The following MRPS24 variants were observed in gnomAD, a reference collection of about 807,000 sequenced individuals.
MRPS24 encodes mitochondrial ribosomal protein S24.
A neutral mutation model predicts 21.8 loss-of-function variants in MRPS24; 15 were observed. The observed-to-expected ratio is 0.69, with a 90% CI of 0.46 to 1.06. MRPS24 has a LOEUF of 1.06. MRPS24 is among the 50% of genes least tolerant of loss of function. MRPS24 has a pLI of 0.00. For missense variants in MRPS24, 224 were observed against 219.1 expected, an observed-to-expected ratio of 1.02 and a Z score of -0.14; for synonymous variants, 93 against 93.7, an observed-to-expected ratio of 0.99 and a Z score of 0.04.
rs375775056 is a variant in MRPS24 at position 43,866,869 on chromosome 7, G to A, written c.334C>T (p.Arg112Cys). 23 of 1,614,064 alleles carry A rather than the reference G, an allele frequency of 1.4e-5. No homozygotes were observed. Among genetic ancestry groups the A allele is most frequent in the African/African-American group, 1.1e-4 (8 of 74,912 alleles). ...GCLADQLVLKRRGNQLEICAV... is the reference protein window; with the variant it reads ...GCLADQLVLKCRGNQLEICAV... ...CAGATCTCCAACTGGTTACCCCGGC[G>A]CTTTAAAACCAGCTGGTCAGCCAGG... Residue 112 changes from arginine to cysteine, a missense_variant, in exon 4 of 4, where the codon CGC becomes TGC. Physicochemically the swap from Arg to Cys is radical, Grantham distance 180. Transcript: ENST00000317534.
Position 43,866,599 on chromosome 7 carries a change from G to A in MRPS24, c.*100C>T. On this transcript the variant is annotated 3_prime_UTR_variant, in exon 4 of 4. Coordinates refer to ENST00000317534, the MANE Select transcript of MRPS24 (RefSeq NM_032014.3). The stretch of plus-strand genomic sequence containing the variant: ...TATTCAATAGCAGATGAGAGACTAT[G>A]CCTCAGTCCTCTGAGGGGATGCATT... 3 of 1,286,482 alleles carry A rather than the reference G, an allele frequency of 2.3e-6. No individual in the cohort carries two copies. The highest frequency in any genetic ancestry group is 2.8e-5 in the South Asian group (2 of 72,668). 79.7% of individuals were successfully genotyped at this position (1,286,482 alleles called of 1,614,324 possible).
At chr7:43,868,668 G>A (rs1287946142) in intron 3 of MRPS24, 4 of 357,188 alleles carry the variant, frequency 1.1e-5, no homozygotes, top group African/African-American at 8.5e-5. Flanking sequence ...ACAGATAACT[G>A]ACAGGAATGC....
rs772933691 is a variant in MRPS24, at chr7:43,866,651, G to A, written c.*48C>T. 3.1e-5 allele frequency: 50 copies of A among 1,591,520 alleles called. No individual in the cohort carries two copies. In the Admixed American group the frequency reaches 6.4e-4, roughly 20 times the overall value. The stretch of plus-strand genomic sequence containing the variant: ...CCCCCACATACCATTCCTTTCCCAC[G>A]TTTCCATTCTCTGCAGGCTACAGCT... On this transcript the variant is annotated 3_prime_UTR_variant, in exon 4 of 4. Transcript: ENST00000317534.
chr7:43,869,067 G>A lies in MRPS24; in HGVS notation c.116C>T (p.Ala39Val). The change falls in exon 3 of 4, where the codon GCG becomes GTG. Residue 39 changes from alanine (A) to valine (V), a missense_variant. By Grantham distance (64) the Ala-to-Val change is moderately conservative (BLOSUM62 0). Coordinates refer to ENST00000317534, the MANE Select transcript of MRPS24 (RefSeq NM_032014.3). The surrounding 1 kb of genome is among the most constrained non-coding windows in gnomAD (Gnocchi z 4.8). The part of the protein sequence containing the change: ...HTSPVCAKNR[A>V]ARVRVSKGDK... ...CCCCTTGCTTACGCGTACTCGGGCC[G>A]CCCGGTTCTAGGAGCAAAAGGGGCC... 6.2e-7 allele frequency: 1 copy of A among 1,612,082 alleles called. No individual in the cohort carries two copies. Among genetic ancestry groups the A allele is most frequent in the Non-Finnish European group, 8.5e-7 (1 of 1,179,906 alleles).
chr7:43,867,067 T>G, intron 3 of MRPS24, 85 bp from the exon 4 acceptor site: 3 of 1,393,824 alleles, frequency 2.2e-6, no homozygotes, highest in South Asian at 2.6e-5. Flanking sequence ...CCAAAAGCGC[T>G]GAGCACAATC....
rs868632598 is a variant in MRPS24, at chr7:43,869,295, C to T, written c.108+13G>A. 5 of 1,536,572 alleles carry T rather than the reference C, an allele frequency of 3.3e-6. No homozygotes were observed. In the East Asian group the frequency reaches 7.4e-5, roughly 23 times the overall value. The stretch of plus-strand genomic sequence containing the variant: ...CCCCCAGGCCCCCAGGCCCCTGCCC[C>T]GGCGGTGCTCACCTTGGCGCAGACC... On this transcript the variant is annotated intron_variant, in intron 2 of 3. Transcript: ENST00000317534. This position sits in a 1 kb window ranked among gnomAD's most constrained non-coding sequence, Gnocchi z 4.8.
chr7:43,869,386 G>C lies in MRPS24; in HGVS notation c.40-10C>G. ...GGCTCCAGGACAGCACCTGTGGAGG[G>C]AGGGCGCGTGAGGCGGAAACTAGGG... On this transcript the variant is annotated splice_polypyrimidine_tract_variant and intron_variant, in intron 1 of 3. Transcript: ENST00000317534. The surrounding 1 kb of genome is among the most constrained non-coding windows in gnomAD (Gnocchi z 4.8). 6.5e-7 allele frequency: 1 copy of C among 1,549,946 alleles called. No homozygotes were observed. The highest frequency in any genetic ancestry group is 8.7e-7 in the Non-Finnish European group (1 of 1,146,848).
intron 3 of MRPS24, chr7:43,868,671 A>C (rs887228153): frequency 5.5e-6 from 2 of 364,718 alleles, no homozygotes; most frequent in Non-Finnish European, 5.0e-6. Context: ...GATAACTGAC[A>C]GGAATGCAAA....
chr7:43,866,769 T>C lies in MRPS24; in HGVS notation c.434A>G (p.Tyr145Cys), dbSNP rs377480969. The change falls in exon 4 of 4, where the codon TAC becomes TGC. Residue 145 changes from tyrosine to cysteine, a missense_variant. Tyr to Cys is a radical substitution (Grantham distance 194, BLOSUM62 -2). Coordinates refer to ENST00000317534, the MANE Select transcript of MRPS24 (RefSeq NM_032014.3). ...LVGYSETLLS[Y>C]FYKCPVRLHL... is the part of the protein sequence containing the mutation. ...GAGTCGCACAGGACATTTGTAAAAG[T>C]AGGACAGCAAAGTTTCACTGTAGCC... is the stretch of plus-strand genomic sequence containing the variant. 2 of 1,614,088 alleles carry C rather than the reference T, an allele frequency of 1.2e-6. No homozygotes were observed. Among genetic ancestry groups the C allele is most frequent in the African/African-American group, 2.7e-5 (2 of 74,912 alleles).
chr7:43,868,647 C>G, intron 3 of MRPS24: 1 of 302,708 alleles, frequency 3.3e-6, no homozygotes, highest in Non-Finnish European at 6.2e-6. Context: ...TATTTTACAG[C>G]TCTGTAAATT....
At position 43,869,468 on chromosome 7, in the gene MRPS24, G is replaced by T; in HGVS notation, c.28C>A (p.Leu10Met). ...GTCGCCCCACTCACCCGTGGCCCCA[G>T]CAACCCGCTGCACACGGAGGCCGCC... MAASVCSGL[L>M]GPRVLSWSRE... Residue 10 changes from leucine to methionine, a missense_variant, in exon 1 of 4, where the codon CTG (leucine) becomes ATG (methionine). Coordinates refer to ENST00000317534, the MANE Select transcript of MRPS24 (RefSeq NM_032014.3). The surrounding 1 kb of genome is among the most constrained non-coding windows in gnomAD (Gnocchi z 4.8). The T allele has an allele frequency of 6.4e-7, 1 of 1,567,794 alleles. No homozygotes were observed. Among genetic ancestry groups the T allele is most frequent in the Admixed American group, 1.8e-5 (1 of 54,218 alleles).
chr7:43,866,840 G>C lies in MRPS24; in HGVS notation c.363C>G (p.Ala121=), dbSNP rs191738193. ...KRRGNQLEIC[A]VVLRQLSPHK... ...GTGGAGACAACTGCCTCAGGACCACGGCACAGATCTCCAACTGGTTACCCC... is the reference window on the plus strand; with the variant it reads ...GTGGAGACAACTGCCTCAGGACCACCGCACAGATCTCCAACTGGTTACCCC... Residue 121 remains alanine (A), a synonymous_variant, in exon 4 of 4, where the codon GCC becomes GCG. Coordinates refer to ENST00000317534, the MANE Select transcript of MRPS24 (RefSeq NM_032014.3). 6.2e-7 allele frequency: 1 copy of C among 1,614,210 alleles called. No individual in the cohort carries two copies. Among genetic ancestry groups the C allele is most frequent in the Admixed American group, 1.7e-5 (1 of 60,028 alleles).
At position 43,868,962 on chromosome 7, in the gene MRPS24, CCTGTGTGCAG is replaced by C; in HGVS notation, c.211_220del (p.Leu71ValfsTer37). 6.2e-7 allele frequency: 1 copy of C among 1,613,784 alleles called. No homozygotes were observed. The highest frequency in any genetic ancestry group is 8.5e-7 in the Non-Finnish European group (1 of 1,179,888). ...CTTTTGGAGGCCTGGGGTCCGCTCA[CCTGTGTGCAG>C]CGACAGCCAGCCTTTACGGTGGGCG... On this transcript the variant is annotated frameshift_variant and splice_region_variant, in exon 3 of 4. Transcript: ENST00000317534. LOFTEE classifies it high-confidence loss of function.
chr7:43,869,410 G>A lies in MRPS24; in HGVS notation c.40-34C>T. The A allele has an allele frequency of 2.6e-6, 4 of 1,551,280 alleles. No homozygotes were observed. Among genetic ancestry groups the A allele is most frequent in the African/African-American group, 1.4e-5 (1 of 73,218 alleles). On this transcript the variant is annotated intron_variant, in intron 1 of 3. Coordinates refer to ENST00000317534, the MANE Select transcript of MRPS24 (RefSeq NM_032014.3). The surrounding 1 kb of genome is among the most constrained non-coding windows in gnomAD (Gnocchi z 4.8). ...GGAGGGCGCGTGAGGCGGAAACTAG[G>A]GACCCCACCTCCGACTCGCAGGGAC... is the stretch of plus-strand genomic sequence containing the variant.
rs1585773704 is a variant in MRPS24 at position 43,866,670 on chromosome 7, T to C, written c.*29A>G. On this transcript the variant is annotated 3_prime_UTR_variant, in exon 4 of 4. Transcript: ENST00000317534. ...TCCCACGTTTCCATTCTCTGCAGGC[T>C]ACAGCTTGATGGAAAAAAGGGGATT... The C allele has an allele frequency of 6.2e-7, 1 of 1,608,834 alleles. No individual in the cohort carries two copies. The highest frequency in any genetic ancestry group is 1.1e-5 in the South Asian group (1 of 90,766).
intron 3 of MRPS24, chr7:43,867,849 G>A (rs1375829671): frequency 1.3e-5 from 2 of 152,070 alleles, no homozygotes; most frequent in Non-Finnish European, 2.9e-5. Context: ...TTTTAAGTAA[G>A]TTCTCTAGAT....
chr7:43,866,821 A>G lies in MRPS24; in HGVS notation c.382T>C (p.Ser128Pro). ...EICAVVLRQL[S>P]PHKYYFLVGY... Reference sequence around the variant, plus strand: ...ACGAGGAAGTAGTACTTGTGTGGAGACAACTGCCTCAGGACCACGGCACAG... The same window carrying G: ...ACGAGGAAGTAGTACTTGTGTGGAGGCAACTGCCTCAGGACCACGGCACAG... Residue 128 changes from serine to proline, a missense_variant, in exon 4 of 4, where the codon TCT (serine) becomes CCT (proline). Coordinates refer to ENST00000317534, the MANE Select transcript of MRPS24 (RefSeq NM_032014.3). 6.2e-7 allele frequency: 1 copy of G among 1,614,246 alleles called. No homozygotes were observed.
In MRPS24 at chr7:43,868,969, G is replaced by A. The variant is rs1400567400; in HGVS notation, c.214C>T (p.His72Tyr). ...IAHRKGWLSL[H>Y]TGNLDGEDHA... ...AGGCCTGGGGTCCGCTCACCTGTGT[G>A]CAGCGACAGCCAGCCTTTACGGTGG... The change falls in exon 3 of 4, where the codon CAC becomes TAC. Residue 72 changes from histidine (H) to tyrosine (Y), a missense_variant. Coordinates refer to ENST00000317534, the MANE Select transcript of MRPS24 (RefSeq NM_032014.3). 1.2e-6 allele frequency: 2 copies of A among 1,613,882 alleles called. No homozygotes were observed. The highest frequency in any genetic ancestry group is 1.1e-5 in the South Asian group (1 of 91,060).
Position 43,869,175 on chromosome 7 carries a change from C to T in MRPS24, c.109-101G>A, listed in dbSNP as rs1393830328. The T allele has an allele frequency of 1.3e-5, 19 of 1,483,922 alleles. No homozygotes were observed. Among genetic ancestry groups the T allele is most frequent in the Non-Finnish European group, 1.7e-5 (19 of 1,117,914 alleles). The allele number at this position is 1,483,922 out of a possible 1,614,324, so 91.9% of individuals were successfully genotyped here. Reference sequence around the variant, plus strand: ...GCTGGCACTGTTCCCCGGCCCCAATCCCCTGATCCCTAAGCCCCGACCCTA... The same window carrying T: ...GCTGGCACTGTTCCCCGGCCCCAATTCCCTGATCCCTAAGCCCCGACCCTA... On this transcript the variant is annotated intron_variant, in intron 2 of 3. Coordinates refer to ENST00000317534, the MANE Select transcript of MRPS24 (RefSeq NM_032014.3). This position sits in a 1 kb window ranked among gnomAD's most constrained non-coding sequence, Gnocchi z 4.8.
Sources: gnomAD v4.1 joint callset for allele counts on GRCh38, gnomAD v4.1.1 for gene constraint, Gnocchi (gnomAD v3.1) non-coding constraint, MANE v1.5 for transcripts, NCBI Gene and HGNC (gene_info 2026-07-23, HGNC 2026-07-21) for gene names.